Variants in SIGLEC5 observed in about 807,000 individuals in gnomAD.
The protein encoded by SIGLEC5 is sialic acid-binding Ig-like lectin 5.
In SIGLEC5, 34 loss-of-function variants were observed where a neutral mutation model predicts 45.9. The ratio of observed to expected loss-of-function variants is 0.74; its 90% CI spans 0.56 to 0.99. The LOEUF (loss-of-function observed/expected upper bound fraction) is 0.99. SIGLEC5 is among the 50% of genes least tolerant of loss of function. The pLI is 0.00. For synonymous variants in SIGLEC5, 203 were observed against 258.6 expected (o/e 0.79, Z 2.06); for missense variants, 508 against 629.6 (o/e 0.81, Z 2.07).
Position 51,626,041 on chromosome 19 carries a change from G to A in SIGLEC5, c.1455C>T (p.Thr485=). The A allele has an allele frequency of 1.9e-6, 3 of 1,613,544 alleles. No individual in the cohort carries two copies. Among genetic ancestry groups the A allele is most frequent in the Non-Finnish European group, 2.5e-6 (3 of 1,179,668 alleles). The change falls in exon 8 of 9, where the codon ACC becomes ACT. Residue 485 remains threonine (T), a synonymous_variant. Transcript: ENST00000683636. ...KMDDEDPIMG[T]ITSGSRKKPW... ...TCCCCAAACCACTCACCGAGGTGAT[G>A]GTACCCATAATGGGGTCTTCATCAT...
At chr19:51,612,532 G>A in intron 8 of SIGLEC5, 110 bp from the exon 9 acceptor site, 4 of 807,004 alleles carry the variant, frequency 5.0e-6, no homozygotes, top group Non-Finnish European at 7.6e-6. Flanking sequence ...ATGTAAGTTG[G>A]ACTTTCTCAT....
At position 51,630,025 on chromosome 19, in the gene SIGLEC5, T is replaced by A. The variant is rs535585442; in HGVS notation, c.229A>T (p.Asn77Tyr). The A allele has an allele frequency of 4.2e-4, 322 of 774,940 alleles. 19 individuals are homozygous for A. The South Asian group carries it at 4.6e-3, about 11-fold the overall frequency. The allele number at this position is 774,940 out of a possible 1,614,324, so 48.0% of individuals were successfully genotyped here. A position where few individuals can be genotyped will look rare whatever the true frequency, so the allele number is the denominator to read the frequency against. Residue 77 changes from asparagine to tyrosine, a missense_variant, in exon 2 of 9, where the codon AAC becomes TAC. Physicochemically the swap from Asn to Tyr is moderately radical, Grantham distance 143. Around this residue, in one of 2 missense-constraint regions of SIGLEC5, gnomAD observed 77 missense variants for 200.8 expected, o/e 0.38. Transcript: ENST00000683636. ...TCTGGCTTCACTCTTCTGTCTGGGT[T>A]GTTTGTGGCCACAACCTCAGCGTAG... is the stretch of plus-strand genomic sequence containing the variant. ...PYYAEVVATN[N>Y]PDRRVKPETQ... is the part of the protein sequence containing the mutation.
Position 51,622,694 on chromosome 19 carries a change from G to A in SIGLEC5, c.1464+3338C>T, listed in dbSNP as rs77841713. 2.0e-5 allele frequency among the ~76,000 whole-genome samples: 3 copies of A among 152,144 alleles called. No individual in the cohort carries two copies. The South Asian group carries it at 6.2e-4, about 32-fold the overall frequency. On this transcript the variant is annotated intron_variant, in intron 8 of 8. Coordinates refer to ENST00000683636, the MANE Select transcript of SIGLEC5 (RefSeq NM_003830.4). ...ATGTTGCTCAATGGAGAAGGGAGAA[G>A]GACTATTCAGAAATGAAGGAGAAAC...
intron 8 of SIGLEC5, among the ~76,000 whole-genome samples, chr19:51,623,889 T>A (rs1376640105): frequency 6.6e-6 from 1 of 152,114 alleles, no homozygotes; most frequent in Non-Finnish European, 1.5e-5. Flanking sequence ...GACACAATCA[T>A]AAAATATAAT....
chr19:51,616,595 AG>A, intron 8 of SIGLEC5, among the ~76,000 whole-genome samples: 1 of 152,102 alleles, frequency 6.6e-6, no homozygotes, highest in Non-Finnish European at 1.5e-5. Context: ...TATGAGAAAA[AG>A]GTTAAGATAG....
At position 51,618,443 on chromosome 19, in the gene SIGLEC5, T is replaced by TAAAAAAAAAAAAAAAAA. The variant is rs1228951315; in HGVS notation, c.1465-6038_1465-6022dup. Among the ~76,000 whole-genome samples the TAAAAAAAAAAAAAAAAA allele has an allele frequency of 1.1e-3, 56 of 49,442 alleles. 3 individuals are homozygous for TAAAAAAAAAAAAAAAAA. Among genetic ancestry groups the TAAAAAAAAAAAAAAAAA allele is most frequent in the Non-Finnish European group, 1.7e-3 (50 of 29,282 alleles). The allele number at this position is 49,442 out of a possible 152,430, so 32.4% of individuals were successfully genotyped here. ...CCGCATGAGTGAGTGAGACCCTGCC[T>TAAAAAAAAAAAAAAAAA]AAAAAAAAAAAAAAAAAAAAAAAAA... On this transcript the variant is annotated intron_variant, in intron 8 of 8. Coordinates refer to ENST00000683636, the MANE Select transcript of SIGLEC5 (RefSeq NM_003830.4).
At chr19:51,617,549 A>G (rs1026297231) in intron 8 of SIGLEC5, among the ~76,000 whole-genome samples, 1 of 152,198 alleles carries the variant, frequency 6.6e-6, no homozygotes, top group Non-Finnish European at 1.5e-5. Flanking sequence ...AGTGGGGTGG[A>G]GTTTAAAGCA....
chr19:51,616,740 T>C (rs1243804705), intron 8 of SIGLEC5, among the ~76,000 whole-genome samples: 2 of 151,608 alleles, frequency 1.3e-5, no homozygotes, highest in Admixed American at 6.6e-5. Context: ...GGCAAAATCC[T>C]GTCTCTAAAA....
intron 8 of SIGLEC5, among the ~76,000 whole-genome samples, chr19:51,620,310 A>C (rs959117268): frequency 6.6e-6 from 1 of 152,154 alleles, no homozygotes; most frequent in African/African-American, 2.4e-5. Flanking sequence ...AAACAGAAGA[A>C]ACAGGAGGAA....
intron 8 of SIGLEC5, among the ~76,000 whole-genome samples, chr19:51,617,352 G>T (rs927368280): frequency 7.2e-5 from 11 of 151,930 alleles, no homozygotes; most frequent in African/African-American, 2.7e-4. Flanking sequence ...AGCTGAAAGG[G>T]CCCCACGAGT....
chr19:51,626,027 C>G lies in SIGLEC5; in HGVS notation c.1464+5G>C. On this transcript the variant is annotated splice_donor_5th_base_variant and intron_variant, in intron 8 of 8. Coordinates refer to ENST00000683636, the MANE Select transcript of SIGLEC5 (RefSeq NM_003830.4). ...TGCACATGAGAAGATCCCCAAACCA[C>G]TCACCGAGGTGATGGTACCCATAAT... The G allele has an allele frequency of 6.2e-7, 1 of 1,612,370 alleles. No individual in the cohort carries two copies. The highest frequency in any genetic ancestry group is 1.3e-5 in the African/African-American group (1 of 74,960).
intron 8 of SIGLEC5, among the ~76,000 whole-genome samples, chr19:51,613,527 G>A (rs963342192): frequency 1.3e-5 from 2 of 152,052 alleles, no homozygotes; most frequent in African/African-American, 4.8e-5. Context: ...GCACAGGGCA[G>A]ACAGGGCTGG....
Position 51,627,186 on chromosome 19 carries a change from G to C in SIGLEC5, c.1345C>G (p.Leu449Val). ...ATGAGGCACAGACAGATACAGAGCA[G>C]GGCCATGACACCAGCACCACCAAGG... ...AALGGAGVMA[L>V]LCICLCLIFF... The change falls in exon 7 of 9, where the codon CTG (leucine) becomes GTG (valine). Residue 449 changes from leucine to valine, a missense_variant. Physicochemically the swap from Leu to Val is conservative, Grantham distance 32. Coordinates refer to ENST00000683636, the MANE Select transcript of SIGLEC5 (RefSeq NM_003830.4). 1.2e-6 allele frequency: 2 copies of C among 1,614,132 alleles called. No individual in the cohort carries two copies. The highest frequency in any genetic ancestry group is 1.7e-6 in the Non-Finnish European group (2 of 1,180,004).
chr19:51,614,829 T>G (rs967481898), intron 8 of SIGLEC5, among the ~76,000 whole-genome samples: 2 of 152,194 alleles, frequency 1.3e-5, no homozygotes, highest in Non-Finnish European at 2.9e-5. Flanking sequence ...CAGTTCCTTG[T>G]TAGACAGAAG....
intron 8 of SIGLEC5, among the ~76,000 whole-genome samples, chr19:51,616,738 C>A (rs1983070002): frequency 6.6e-6 from 1 of 151,644 alleles, no homozygotes; most frequent in African/African-American, 2.4e-5. Flanking sequence ...ATGGCAAAAT[C>A]CTGTCTCTAA....
At position 51,626,088 on chromosome 19, in the gene SIGLEC5, C is replaced by A. The variant is rs754092511; in HGVS notation, c.1408G>T (p.Ala470Ser). The A allele has an allele frequency of 6.2e-7, 1 of 1,613,938 alleles. No individual in the cohort carries two copies. The highest frequency in any genetic ancestry group is 8.5e-7 in the Non-Finnish European group (1 of 1,180,036). ...LIVKARRKQA[A>S]GRPEKMDDED... The stretch of plus-strand genomic sequence containing the variant: ...TCATCCATTTTCTCTGGTCTCCCAG[C>A]TGCTTGCTTCCTGCGGGCTTTCACT... The change falls in exon 8 of 9, where the codon GCT becomes TCT. Residue 470 changes from alanine to serine, a missense_variant. Around this residue, in one of 2 missense-constraint regions of SIGLEC5, gnomAD observed 431 missense variants for 428.8 expected, o/e 1.01. Coordinates refer to ENST00000683636, the MANE Select transcript of SIGLEC5 (RefSeq NM_003830.4).
intron 6 of SIGLEC5, 56 bp from the exon 7 acceptor site, chr19:51,627,304 C>G: frequency 6.4e-7 from 1 of 1,572,596 alleles, no homozygotes; most frequent in Non-Finnish European, 8.7e-7. Context: ...CTCTTGTCCT[C>G]CCACCTGCTG....
chr19:51,627,485 C>T lies in SIGLEC5; in HGVS notation c.1259G>A (p.Ser420Asn), dbSNP rs752593521. 2 of 1,613,902 alleles carry T rather than the reference C, an allele frequency of 1.2e-6. No homozygotes were observed. Among genetic ancestry groups the T allele is most frequent in the Admixed American group, 1.7e-5 (1 of 60,024 alleles). Residue 420 changes from serine to asparagine, a missense_variant, in exon 6 of 9, where the codon AGC becomes AAC. Ser to Asn is a conservative substitution (Grantham distance 46). This residue lies in a region of SIGLEC5 where 431 missense variants were observed against 428.8 expected (regional missense o/e 1.01). Transcript: ENST00000683636. ...CKAWNIYGSQ[S>N]GSVLLLQGRS... ...ACCTTGCAGCAGCAGGACAGAGCCG[C>T]TCTGGGACCCATAGATGTTCCAGGC...
chr19:51,615,169 AAG>A (rs988598958), intron 8 of SIGLEC5, among the ~76,000 whole-genome samples: 3 of 152,214 alleles, frequency 2.0e-5, no homozygotes, highest in Non-Finnish European at 4.4e-5. Context: ...TTCTTGTCAA[AAG>A]AGTGAATTCA....
Sources: gnomAD v4.1 joint callset for allele counts (sites outside exome capture counted in the v4.1 genomes callset) on GRCh38, gnomAD v4.1.1 for gene constraint, gnomAD v4.1.1 regional missense constraint, MANE v1.5 for transcripts, NCBI Gene and HGNC (gene_info 2026-07-23, HGNC 2026-07-21) for gene names.